RALGAPA1: variants seen among roughly 807,000 people sequenced by gnomAD.
RALGAPA1 encodes ral GTPase-activating protein subunit alpha-1.
Under a neutral mutation model 269.6 loss-of-function variants are expected in RALGAPA1, and 52 were observed. That is an observed-to-expected ratio of 0.19 (90% CI 0.15 to 0.24). The LOEUF is 0.24. Among genes scored for constraint, RALGAPA1 ranks in the 10% least tolerant of loss-of-function variants. The pLI is 1.00. For synonymous variants in RALGAPA1, 817 were observed against 1,008.3 expected (o/e 0.81, Z 3.60); for missense variants, 1,917 against 3,013.9 (o/e 0.64, Z 8.52).
At chr14:35,775,533 C>T (rs1267561081) in intron 2 of RALGAPA1, 102 bp downstream of exon 2, 29 of 1,397,318 alleles carry the variant, frequency 2.1e-5, no homozygotes, top group East Asian at 5.9e-5. Flanking sequence ...AAAAGCTGTC[C>T]GACAAAAATA....
At chr14:35,607,491 A>G (rs1048947279) in intron 35 of RALGAPA1, among the ~76,000 whole-genome samples, 2 of 152,158 alleles carry the variant, frequency 1.3e-5, no homozygotes, top group Admixed American at 6.5e-5. Context: ...CCAGGAACAA[A>G]ACGTTGAGAG....
intron 1 of RALGAPA1, among the ~76,000 whole-genome samples, chr14:35,793,458 T>C (rs2076339787): frequency 6.6e-6 from 1 of 152,096 alleles, no homozygotes; most frequent in Non-Finnish European, 1.5e-5. Context: ...GGTCTCGAAC[T>C]CCTGACCTCA....
chr14:35,544,099 T>C (rs1216932510), intron 41 of RALGAPA1, among the ~76,000 whole-genome samples: 1 of 152,212 alleles, frequency 6.6e-6, no homozygotes, highest in African/African-American at 2.4e-5. Context: ...ATTGGGAGAA[T>C]TGATTAATTT....
In RALGAPA1 at chr14:35,661,537, A is replaced by G. The variant is rs546564882; in HGVS notation, c.5329-2341T>C. Among the ~76,000 whole-genome samples the G allele has an allele frequency of 7.9e-5, 12 of 152,318 alleles. 1 individual carries two copies. The South Asian group carries it at 2.5e-3, about 32-fold the overall frequency. ...CAATAAAAGATAAAGAGACATTCAGAAAAGGACAGAAACATCAACAGGGTC... is the reference window on the plus strand; with the variant it reads ...CAATAAAAGATAAAGAGACATTCAGGAAAGGACAGAAACATCAACAGGGTC... On this transcript the variant is annotated intron_variant, in intron 27 of 41. Coordinates refer to ENST00000680220, the MANE Select transcript of RALGAPA1 (RefSeq NM_001346249.2).
At chr14:35,561,254 A>G (rs1346555691) in intron 39 of RALGAPA1, among the ~76,000 whole-genome samples, 13 of 144,406 alleles carry the variant, frequency 9.0e-5, no homozygotes, top group Admixed American at 2.1e-4. Flanking sequence ...AAAAAAAAAT[A>G]CAGTAACATC....
rs768544509 is a variant in RALGAPA1, at chr14:35,766,192, G to T, written c.326-3439C>A. The T allele has an allele frequency of 1.6e-5, 13 of 831,696 alleles. No individual in the cohort carries two copies. In the Middle Eastern group the frequency reaches 9.3e-4, roughly 60 times the overall value. The allele number at this position is 831,696 out of a possible 1,614,324, so 51.5% of individuals were successfully genotyped here. On this transcript the variant is annotated intron_variant, in intron 4 of 41. Transcript: ENST00000680220. The stretch of plus-strand genomic sequence containing the variant: ...AACTATGGCTTAGTTTCCCATCATG[G>T]TCTCATTTCCCTGGAGGATTTGATG...
chr14:35,628,002 T>A (rs750921279), intron 33 of RALGAPA1, 51 bp from the exon 34 acceptor site: 1 of 1,496,772 alleles, frequency 6.7e-7, no homozygotes, highest in Non-Finnish European at 8.9e-7. Flanking sequence ...TCCTAGGGAA[T>A]CATATGACAA....
intron 22 of RALGAPA1, among the ~76,000 whole-genome samples, chr14:35,675,402 T>G (rs936708110): frequency 6.6e-6 from 1 of 152,190 alleles, no homozygotes; most frequent in Non-Finnish European, 1.5e-5. Flanking sequence ...GGTCTCAAAC[T>G]CCTGACCTCA....
At chr14:35,598,573 C>T (rs1188410667) in intron 36 of RALGAPA1, among the ~76,000 whole-genome samples, 1 of 152,062 alleles carries the variant, frequency 6.6e-6, no homozygotes, top group Non-Finnish European at 1.5e-5. Flanking sequence ...GTGTCTGCCA[C>T]CACGCCCGGC....
At chr14:35,570,276 A>G (rs2057074989) in intron 39 of RALGAPA1, among the ~76,000 whole-genome samples, 1 of 151,900 alleles carries the variant, frequency 6.6e-6, no homozygotes, top group Admixed American at 6.6e-5. Flanking sequence ...ATCTCAAAAA[A>G]AAAAAAAAAG....
intron 1 of RALGAPA1, among the ~76,000 whole-genome samples, chr14:35,794,168 T>C (rs1183685805): frequency 2.0e-5 from 3 of 152,154 alleles, no homozygotes; most frequent in African/African-American, 7.2e-5. Context: ...ACACTGTATA[T>C]CAAACTCTAA....
chr14:35,734,080 C>T (rs2070754179), intron 12 of RALGAPA1, among the ~76,000 whole-genome samples: 1 of 152,104 alleles, frequency 6.6e-6, no homozygotes, highest in African/African-American at 2.4e-5. Context: ...CAAACACATC[C>T]CATGCTCATG....
chr14:35,671,123 A>C (rs1293139258), intron 26 of RALGAPA1, among the ~76,000 whole-genome samples: 1 of 152,128 alleles, frequency 6.6e-6, no homozygotes, highest in African/African-American at 2.4e-5. Context: ...ACCTCTTGCT[A>C]TAGCCCATTG....
At chr14:35,766,514 C>A in intron 4 of RALGAPA1, 1 of 1,214,380 alleles carries the variant, frequency 8.2e-7, no homozygotes, top group Non-Finnish European at 1.2e-6. Flanking sequence ...TTGTCTGCTA[C>A]CATCTATTGT....
intron 40 of RALGAPA1, 51 bp downstream of exon 40, chr14:35,549,059 C>A: frequency 6.3e-7 from 1 of 1,596,722 alleles, no homozygotes; most frequent in Non-Finnish European, 8.5e-7. Context: ...CAAAAGGGTA[C>A]TGCATTTCAA....
intron 33 of RALGAPA1, among the ~76,000 whole-genome samples, chr14:35,630,344 G>A (rs948277367): frequency 2.5e-4 from 38 of 151,750 alleles, no homozygotes; most frequent in Non-Finnish European, 8.8e-5. Context: ...CTGGAGTGCA[G>A]TGGCACGATC....
intron 6 of RALGAPA1, 79 bp downstream of exon 6, chr14:35,760,735 CCAGTTAATGAATGCA>C: frequency 1.2e-6 from 1 of 822,888 alleles, no homozygotes; most frequent in South Asian, 2.1e-5. Flanking sequence ...CTTGGATTAC[CCAGTTAATGAATGCA>C]CAGACATTTG....
intron 37 of RALGAPA1, among the ~76,000 whole-genome samples, chr14:35,587,515 T>C (rs776708930): frequency 6.6e-6 from 1 of 152,278 alleles, no homozygotes; most frequent in East Asian, 1.9e-4. Context: ...GTGGCACATA[T>C]ACACCATGGA....
chr14:35,586,855 G>A (rs529493786), intron 37 of RALGAPA1, among the ~76,000 whole-genome samples: 2 of 152,246 alleles, frequency 1.3e-5, no homozygotes, highest in African/African-American at 4.8e-5. Context: ...TGCTGGATTT[G>A]GTTTGCCAGT....
Sources: allele counts gnomAD v4.1 joint callset (sites outside exome capture counted in the v4.1 genomes callset), GRCh38; gene constraint gnomAD v4.1.1; transcripts MANE v1.5; gene names NCBI Gene and HGNC (gene_info 2026-07-23, HGNC 2026-07-21).